NHERF1: variants seen among roughly 807,000 people sequenced by gnomAD.
The protein encoded by NHERF1 is Na(+)/H(+) exchange regulatory cofactor NHE-RF1.
At chr17:74,768,606 G>T in the NHERF1 span, 2 of 1,614,066 alleles carry the variant, frequency 1.2e-6, no homozygotes, top group South Asian at 1.1e-5. Context: ...CAGCAAACGG[G>T]CCCCGCAGAT....
the NHERF1 span, among the ~76,000 whole-genome samples, chr17:74,758,954 C>G: frequency 6.6e-6 from 1 of 152,180 alleles, no homozygotes; most frequent in Non-Finnish European, 1.5e-5. The surrounding 1 kb of genome is among the most constrained non-coding windows in gnomAD (Gnocchi z 4.3). Flanking sequence ...CTGGGATGGG[C>G]TGGCTTGATG....
chr17:74,748,734 C>T, the NHERF1 span: 1 of 989,296 alleles, frequency 1.0e-6, no homozygotes, highest in South Asian at 1.6e-5. The surrounding 1 kb of genome is among the most constrained non-coding windows in gnomAD (Gnocchi z 4.3). Flanking sequence ...CGTCCGGCGG[C>T]TCAGGGCTTC....
At chr17:74,767,955 G>C in the NHERF1 span, 1 of 694,470 alleles carries the variant, frequency 1.4e-6, no homozygotes, top group South Asian at 1.5e-5. Context: ...GAACCAGCCT[G>C]CCCTCTGATC....
the NHERF1 span, chr17:74,768,450 C>T: frequency 1.2e-6 from 2 of 1,613,746 alleles, no homozygotes; most frequent in Admixed American, 1.7e-5. Flanking sequence ...AACTTCCTGC[C>T]CCCACTTCTC....
the NHERF1 span, among the ~76,000 whole-genome samples, chr17:74,755,594 CACT>C: frequency 2.6e-5 from 4 of 152,338 alleles, no homozygotes; most frequent in African/African-American, 9.6e-5. Context: ...AAGTCCCACT[CACT>C]GCTGGGTGCT....
At chr17:74,768,087 C>A in the NHERF1 span, 1 of 1,159,086 alleles carries the variant, frequency 8.6e-7, no homozygotes, top group Non-Finnish European at 1.3e-6. Flanking sequence ...GAGCTCCCTC[C>A]CTCCTCAGGA....
the NHERF1 span, chr17:74,749,226 A>C: frequency 6.5e-7 from 1 of 1,526,750 alleles, no homozygotes; most frequent in Non-Finnish European, 8.8e-7. The surrounding 1 kb of genome is among the most constrained non-coding windows in gnomAD (Gnocchi z 5.6). Flanking sequence ...GCCGCCGCCG[A>C]GGTGCAGGGG....
At chr17:74,763,456 G>A in the NHERF1 span, 17 of 1,613,444 alleles carry the variant, frequency 1.1e-5, no homozygotes, top group Middle Eastern at 8.2e-4. Flanking sequence ...TGCTGGTGGT[G>A]GACAGGGAAA....
At chr17:74,754,552 G>A in the NHERF1 span, among the ~76,000 whole-genome samples, 2 of 151,682 alleles carry the variant, frequency 1.3e-5, no homozygotes, top group Non-Finnish European at 2.9e-5. Context: ...ACAAACACCC[G>A]CCACCACACC....
chr17:74,759,931 G>T, the NHERF1 span, among the ~76,000 whole-genome samples: 9 of 152,338 alleles, frequency 5.9e-5, no homozygotes, highest in African/African-American at 2.2e-4. Flanking sequence ...CCCCAGTCAG[G>T]TTGTTATGGG....
the NHERF1 span, chr17:74,768,101 C>G: frequency 7.5e-7 from 1 of 1,329,972 alleles, no homozygotes. Context: ...CTCAGGACCC[C>G]CTCACCCCAT....
chr17:74,762,052 C>T, the NHERF1 span: 1 of 1,614,136 alleles, frequency 6.2e-7, no homozygotes. This position sits in a 1 kb window ranked among gnomAD's most constrained non-coding sequence, Gnocchi z 4.2. Context: ...AAGAAGGGCC[C>T]CAGTGGCTAT....
At chr17:74,755,859 T>C in the NHERF1 span, among the ~76,000 whole-genome samples, 1 of 152,254 alleles carries the variant, frequency 6.6e-6, no homozygotes, top group Non-Finnish European at 1.5e-5. Flanking sequence ...TAAAAGGATG[T>C]ACAATAGCTC....
chr17:74,749,187 AG>A, the NHERF1 span: 1 of 1,528,862 alleles, frequency 6.5e-7, no homozygotes, highest in Non-Finnish European at 8.8e-7. This position sits in a 1 kb window ranked among gnomAD's most constrained non-coding sequence, Gnocchi z 5.6. Flanking sequence ...CTGCGCGCCC[AG>A]GAAGCGCCGG....
chr17:74,758,785 G>A, the NHERF1 span, among the ~76,000 whole-genome samples: 57,965 of 152,042 alleles, frequency 0.38, 12,215 homozygotes, highest in Non-Finnish European at 0.48. This position sits in a 1 kb window ranked among gnomAD's most constrained non-coding sequence, Gnocchi z 4.3. Context: ...GCTTGGCGGT[G>A]AGGGTCCAAG....
chr17:74,763,352 G>A, the NHERF1 span: 25 of 1,609,462 alleles, frequency 1.6e-5, no homozygotes, highest in South Asian at 1.4e-4. Context: ...ACGCCTCCCC[G>A]ACCCTGCCCT....
At chr17:74,768,878 C>A in the NHERF1 span, 1 of 573,864 alleles carries the variant, frequency 1.7e-6, no homozygotes, top group African/African-American at 1.9e-5. Flanking sequence ...CCTCCCTCCT[C>A]CTCACTGAGT....
chr17:74,754,835 G>A, the NHERF1 span, among the ~76,000 whole-genome samples: 1 of 152,166 alleles, frequency 6.6e-6, no homozygotes, highest in Non-Finnish European at 1.5e-5. Context: ...TATTTTGTAG[G>A]TTGACAGTAA....
chr17:74,749,974 G>A, the NHERF1 span, among the ~76,000 whole-genome samples: 1 of 152,342 alleles, frequency 6.6e-6, no homozygotes, highest in Non-Finnish European at 1.5e-5. This position sits in a 1 kb window ranked among gnomAD's most constrained non-coding sequence, Gnocchi z 5.6. Flanking sequence ...CACCTCAGAG[G>A]ATTTACGATT....
Sources: gnomAD v4.1 joint callset for allele counts (sites outside exome capture counted in the v4.1 genomes callset) on GRCh38, gnomAD v4.1.1 for gene constraint, Gnocchi (gnomAD v3.1) non-coding constraint, MANE v1.5 for transcripts, NCBI Gene and HGNC (gene_info 2026-07-23, HGNC 2026-07-21) for gene names.